PIBF1: variants seen among roughly 807,000 people sequenced by gnomAD.
The protein encoded by PIBF1 is progesterone immunomodulatory binding factor 1.
A neutral mutation model predicts 112.5 loss-of-function variants in PIBF1; 90 were observed. The ratio of observed to expected loss-of-function variants is 0.80; its 90% CI spans 0.67 to 0.95. The LOEUF is 0.95. Ranked by LOEUF, PIBF1 falls within the 40% of genes least tolerant of loss-of-function variation. PIBF1 has a pLI of 0.00. For missense variants in PIBF1, 915 were observed against 852.3 expected, an observed-to-expected ratio of 1.07 and a Z score of -0.92; for synonymous variants, 301 against 288.6, an observed-to-expected ratio of 1.04 and a Z score of -0.44.
At chr13:72,821,689 C>G (rs901378618) in intron 5 of PIBF1, among the ~76,000 whole-genome samples, 160 bp from the exon 6 acceptor site, 2 of 152,010 alleles carry the variant, frequency 1.3e-5, no homozygotes, top group African/African-American at 2.4e-5. Context: ...GATTACTTGC[C>G]TTTGAATAGG....
At position 72,839,499 on chromosome 13, in the gene PIBF1, G is replaced by T. The variant is rs182671729; in HGVS notation, c.1223+4131G>T. 2.1e-3 allele frequency among the ~76,000 whole-genome samples: 319 copies of T among 152,304 alleles called. 1 individual carries two copies. Among genetic ancestry groups the T allele is most frequent in the African/African-American group, 7.1e-3 (297 of 41,568 alleles). ...AATCTGAACCTCAAGAGAAAGATCT[G>T]GGAATTAGAGAGGCCTGTGGTATAG... On this transcript the variant is annotated intron_variant, in intron 9 of 17. Transcript: ENST00000326291.
Position 72,874,436 on chromosome 13 carries a change from A to G in PIBF1, c.1323-19348A>G, listed in dbSNP as rs117066469. Among the ~76,000 whole-genome samples the G allele has an allele frequency of 7.2e-3, 1,098 of 152,336 alleles. 7 individuals are homozygous for G. The highest frequency in any genetic ancestry group is 0.017 in the Middle Eastern group (5 of 294). The stretch of plus-strand genomic sequence containing the variant: ...AGGAAACTACTTATATGTGGAAAAT[A>G]TTTTTATTATAAAAGTTCTATGTTG... On this transcript the variant is annotated intron_variant, in intron 10 of 17. Coordinates refer to ENST00000326291, the MANE Select transcript of PIBF1 (RefSeq NM_006346.4).
chr13:72,924,323 A>G (rs1438016006), intron 13 of PIBF1, among the ~76,000 whole-genome samples: 2 of 152,122 alleles, frequency 1.3e-5, no homozygotes, highest in Non-Finnish European at 2.9e-5. Flanking sequence ...TTAATTGCCC[A>G]TTATTGGCAA....
chr13:73,013,655 T>G lies in PIBF1; in HGVS notation c.2224-2214T>G, dbSNP rs573344115. On this transcript the variant is annotated intron_variant, in intron 17 of 17. Coordinates refer to ENST00000326291, the MANE Select transcript of PIBF1 (RefSeq NM_006346.4). ...GGAAGGCTGAGGCAGGACTATCACT[T>G]GAGCCCGAGAGGTTGAGGCTACAGT... 2.0e-5 allele frequency among the ~76,000 whole-genome samples: 3 copies of G among 148,940 alleles called. No individual in the cohort carries two copies. In the South Asian group the frequency reaches 6.4e-4, roughly 32 times the overall value.
At chr13:72,829,603 A>G (rs1042720022) in intron 8 of PIBF1, among the ~76,000 whole-genome samples, 1 of 152,048 alleles carries the variant, frequency 6.6e-6, no homozygotes, top group Non-Finnish European at 1.5e-5. Flanking sequence ...GTGTGGTGTT[A>G]TTTCTGAGGC....
intron 12 of PIBF1, among the ~76,000 whole-genome samples, chr13:72,915,639 T>C (rs2138688200): frequency 6.6e-6 from 1 of 152,312 alleles, no homozygotes; most frequent in Admixed American, 6.5e-5. Context: ...TAGAGCTTAT[T>C]TGGAGAACTC....
chr13:72,795,466 G>A lies in PIBF1; in HGVS notation c.461G>A (p.Arg154Gln), dbSNP rs367692878. Residue 154 changes from arginine to glutamine, a missense_variant, in exon 4 of 18, where the codon CGA becomes CAA. By Grantham distance (43) the Arg-to-Gln change is conservative. Coordinates refer to ENST00000326291, the MANE Select transcript of PIBF1 (RefSeq NM_006346.4). The stretch of plus-strand genomic sequence containing the variant: ...AGAGAAAAAGCTGGAGATGTTCGTC[G>A]AAACCTGCGTGACTTTGAGTTGACA... ...QLREKAGDVRRNLRDFELTEE... is the reference protein window; with the variant it reads ...QLREKAGDVRQNLRDFELTEE... The A allele has an allele frequency of 1.1e-5, 18 of 1,610,894 alleles. No homozygotes were observed. The highest frequency in any genetic ancestry group is 1.4e-5 in the Non-Finnish European group (16 of 1,178,810).
Position 72,908,522 on chromosome 13 carries a change from C to G in PIBF1, c.1489-9C>G. On this transcript the variant is annotated splice_polypyrimidine_tract_variant and intron_variant, in intron 11 of 17. Coordinates refer to ENST00000326291, the MANE Select transcript of PIBF1 (RefSeq NM_006346.4). ...TTCTGCCTTTGTAATTCTTCTCTTT[C>G]ACTATTAGGTTTTAACCAAAGAATT... 2 of 1,570,814 alleles carry G rather than the reference C, an allele frequency of 1.3e-6. No individual in the cohort carries two copies. Among genetic ancestry groups the G allele is most frequent in the Non-Finnish European group, 1.7e-6 (2 of 1,158,722 alleles).
At chr13:72,784,170 A>G (rs2034463347) in intron 2 of PIBF1, among the ~76,000 whole-genome samples, 1 of 150,584 alleles carries the variant, frequency 6.6e-6, no homozygotes, top group Admixed American at 6.6e-5. Flanking sequence ...TCAAAACATT[A>G]TGTTGTACAT....
rs182105255 is a variant in PIBF1, at chr13:72,800,741, A to G, written c.672+2715A>G. ...TTTATATTTTTAAAGGATATCTGTGAGATGTATATTGTATTTTAAAAGGGA... is the reference window on the plus strand; with the variant it reads ...TTTATATTTTTAAAGGATATCTGTGGGATGTATATTGTATTTTAAAAGGGA... On this transcript the variant is annotated intron_variant, in intron 5 of 17. Coordinates refer to ENST00000326291, the MANE Select transcript of PIBF1 (RefSeq NM_006346.4). 5.4e-3 allele frequency among the ~76,000 whole-genome samples: 816 copies of G among 152,372 alleles called. 15 individuals carry two copies. The highest frequency in any genetic ancestry group is 0.018 in the African/African-American group (764 of 41,594).
chr13:72,864,254 G>A (rs929524807), intron 10 of PIBF1, among the ~76,000 whole-genome samples: 2 of 152,292 alleles, frequency 1.3e-5, no homozygotes, highest in South Asian at 2.1e-4. Context: ...AGGATGGGGT[G>A]TTCCATGGTC....
Position 72,821,996 on chromosome 13 carries a change from A to T in PIBF1, c.806+14A>T, listed in dbSNP as rs764417242. 6.2e-7 allele frequency: 1 copy of T among 1,601,612 alleles called. No homozygotes were observed. Among genetic ancestry groups the T allele is most frequent in the Admixed American group, 1.7e-5 (1 of 57,740 alleles). On this transcript the variant is annotated intron_variant, in intron 6 of 17. Coordinates refer to ENST00000326291, the MANE Select transcript of PIBF1 (RefSeq NM_006346.4). ...TAAAGTCAAGAGGTAAGTAGTTAAAATGGCTGCAGTAGTAGTTCTCTATTT... is the reference window on the plus strand; with the variant it reads ...TAAAGTCAAGAGGTAAGTAGTTAAATTGGCTGCAGTAGTAGTTCTCTATTT...
At position 72,983,745 on chromosome 13, in the gene PIBF1, T is replaced by C. The variant is rs144867198; in HGVS notation, c.2049+10070T>C. Among the ~76,000 whole-genome samples, 116 of 152,330 alleles carry C rather than the reference T, an allele frequency of 7.6e-4. 1 individual carries two copies. The Middle Eastern group carries it at 0.01, about 13-fold the overall frequency. The stretch of plus-strand genomic sequence containing the variant: ...AGTTCCAACAAATTGCATTTTTCTT[T>C]ATGTGTGTCACTCTTTCGGTTCATA... On this transcript the variant is annotated intron_variant, in intron 16 of 17. Coordinates refer to ENST00000326291, the MANE Select transcript of PIBF1 (RefSeq NM_006346.4).
intron 16 of PIBF1, among the ~76,000 whole-genome samples, chr13:72,990,852 AAATT>A (rs985441073): frequency 3.4e-4 from 52 of 152,334 alleles, no homozygotes; most frequent in African/African-American, 1.1e-3. Flanking sequence ...CATCTCAAAT[AAATT>A]AATTAATTAA....
intron 5 of PIBF1, among the ~76,000 whole-genome samples, chr13:72,809,105 T>G (rs2138048303): frequency 6.6e-6 from 1 of 150,588 alleles, no homozygotes; most frequent in Non-Finnish European, 1.5e-5. Flanking sequence ...CTTAATTTTT[T>G]TCACCACTTG....
intron 5 of PIBF1, among the ~76,000 whole-genome samples, chr13:72,808,497 C>T (rs1175671457): frequency 6.6e-6 from 1 of 152,082 alleles, no homozygotes; most frequent in African/African-American, 2.4e-5. Flanking sequence ...TTTTATGTAC[C>T]TCTAAACGGT....
chr13:72,818,118 A>T (rs1440768980), intron 5 of PIBF1, among the ~76,000 whole-genome samples: 1 of 152,092 alleles, frequency 6.6e-6, no homozygotes, highest in Non-Finnish European at 1.5e-5. Context: ...CTGTATATTT[A>T]TTCTTCCATG....
intron 9 of PIBF1, among the ~76,000 whole-genome samples, chr13:72,847,303 A>G (rs1272145200): frequency 6.6e-6 from 1 of 152,248 alleles, no homozygotes; most frequent in Non-Finnish European, 1.5e-5. Flanking sequence ...TTATGCTGCT[A>G]TAACAGGATA....
chr13:72,826,040 T>TA (rs1384044847), intron 6 of PIBF1, among the ~76,000 whole-genome samples: 9,582 of 121,130 alleles, frequency 0.079, 486 homozygotes, highest in African/African-American at 0.15. Context: ...CCCCATCTCA[T>TA]AAAAAAAAAA....
Sources: allele counts gnomAD v4.1 joint callset (sites outside exome capture counted in the v4.1 genomes callset), GRCh38; gene constraint gnomAD v4.1.1; transcripts MANE v1.5; gene names NCBI Gene and HGNC (gene_info 2026-07-23, HGNC 2026-07-21).